Variants in NEK10 observed in about 807,000 individuals in gnomAD.
NEK10 encodes serine/threonine-protein kinase Nek10.
Under a neutral mutation model 159.8 loss-of-function variants are expected in NEK10, and 122 were observed. The observed-to-expected ratio is 0.76, with a 90% CI of 0.66 to 0.89. The LOEUF is 0.89. NEK10 is among the 40% of genes least tolerant of loss of function. NEK10 has a pLI of 0.00. For synonymous variants in NEK10, 466 were observed against 457.1 expected, an observed-to-expected ratio of 1.02 and a Z score of -0.25; for missense variants, 1,342 against 1,323.1, an observed-to-expected ratio of 1.01 and a Z score of -0.22.
chr3:27,284,386 G>A (rs961621104), intron 22 of NEK10, among the ~76,000 whole-genome samples: 6 of 151,700 alleles, frequency 4.0e-5, no homozygotes, highest in South Asian at 4.2e-4. Context: ...ACTCTGTCTC[G>A]AAGAAAAAAA....
At chr3:27,135,304 A>C (rs1273685677) in intron 31 of NEK10, among the ~76,000 whole-genome samples, 1 of 152,162 alleles carries the variant, frequency 6.6e-6, no homozygotes, top group Non-Finnish European at 1.5e-5. Context: ...ATTTCATTTG[A>C]GGCAAGTAGT....
chr3:27,268,712 A>C (rs1175340133), intron 22 of NEK10, among the ~76,000 whole-genome samples: 2 of 152,188 alleles, frequency 1.3e-5, no homozygotes, highest in African/African-American at 4.8e-5. Context: ...GATTAATGTT[A>C]TTTTCATGTC....
At chr3:27,260,585 G>C (rs1453241398) in intron 22 of NEK10, among the ~76,000 whole-genome samples, 1 of 152,166 alleles carries the variant, frequency 6.6e-6, no homozygotes, top group Non-Finnish European at 1.5e-5. Context: ...TGATCATGGT[G>C]GATAAGCTTT....
intron 5 of NEK10, among the ~76,000 whole-genome samples, chr3:27,330,631 A>C (rs1027552723): frequency 6.6e-6 from 1 of 152,218 alleles, no homozygotes; most frequent in Admixed American, 6.5e-5. Context: ...AATTTAATGC[A>C]AAGAAATTCC....
chr3:27,256,265 T>C (rs1158243070), intron 23 of NEK10, 31 bp downstream of exon 23: 1 of 1,036,372 alleles, frequency 9.6e-7, no homozygotes, highest in Non-Finnish European at 1.4e-6. Flanking sequence ...TTAAGTATGA[T>C]GTTTGAGAGC....
intron 25 of NEK10, among the ~76,000 whole-genome samples, chr3:27,195,833 G>T (rs1480271806): frequency 1.3e-5 from 2 of 151,982 alleles, no homozygotes; most frequent in Non-Finnish European, 1.5e-5. Flanking sequence ...ATCACAATTT[G>T]CTTTATAAAC....
chr3:27,256,137 T>A (rs563162383), intron 23 of NEK10, among the ~76,000 whole-genome samples, 159 bp downstream of exon 23: 1 of 152,310 alleles, frequency 6.6e-6, no homozygotes, highest in African/African-American at 2.4e-5. Flanking sequence ...TACATAATGA[T>A]CCACAATTCT....
At chr3:27,331,263 A>AC (rs2046398315) in intron 5 of NEK10, among the ~76,000 whole-genome samples, 1 of 112,530 alleles carries the variant, frequency 8.9e-6, no homozygotes, top group African/African-American at 2.8e-5. Flanking sequence ...AAAAAAAAAA[A>AC]CACACAAACC....
At chr3:27,279,915 A>ACT (rs2042029488) in intron 22 of NEK10, among the ~76,000 whole-genome samples, 1 of 152,074 alleles carries the variant, frequency 6.6e-6, no homozygotes, top group African/African-American at 2.4e-5. Context: ...CACGCCTGTA[A>ACT]TCCCAGCACT....
chr3:27,166,202 C>T (rs1341330528), intron 29 of NEK10, among the ~76,000 whole-genome samples: 2 of 152,144 alleles, frequency 1.3e-5, no homozygotes, highest in African/African-American at 4.8e-5. Flanking sequence ...CATTATGTAG[C>T]TTTGAGCTCT....
chr3:27,186,841 C>T lies in NEK10; in HGVS notation c.2505+5188G>A, dbSNP rs79267419. Among the ~76,000 whole-genome samples the T allele has an allele frequency of 1.4e-3, 215 of 152,214 alleles. 5 individuals carry two copies. The East Asian group carries it at 0.036, about 25-fold the overall frequency. On this transcript the variant is annotated intron_variant, in intron 26 of 35. Transcript: ENST00000691995. The stretch of plus-strand genomic sequence containing the variant: ...GGGGCTGAGATAGGGTCCCCTAGTG[C>T]CAGTGAGTTCCCCATGGGCTGTGTG...
At chr3:27,365,909 A>T (rs569855897) in intron 1 of NEK10, among the ~76,000 whole-genome samples, 7 of 152,046 alleles carry the variant, frequency 4.6e-5, no homozygotes, top group Middle Eastern at 3.4e-3. Context: ...CCTGTTTTTT[A>T]AATCATGATA....
In NEK10 at chr3:27,220,847, G is replaced by T. The variant is rs555798008; in HGVS notation, c.2091-18290C>A. ...ATATAGATTGATAAAATAAAACTGA[G>T]AAGCCCTTGAGAAATAAACCTTATA... On this transcript the variant is annotated intron_variant, in intron 23 of 35. Coordinates refer to ENST00000691995, the MANE Select transcript of NEK10 (RefSeq NM_001394966.1). Among the ~76,000 whole-genome samples, 27 of 152,206 alleles carry T rather than the reference G, an allele frequency of 1.8e-4. 1 individual carries two copies. The South Asian group carries it at 5.2e-3, about 29-fold the overall frequency.
At chr3:27,226,971 T>C (rs1419074679) in intron 23 of NEK10, among the ~76,000 whole-genome samples, 2 of 152,238 alleles carry the variant, frequency 1.3e-5, no homozygotes, top group Non-Finnish European at 1.5e-5. Flanking sequence ...CATTTCTTTT[T>C]ATTCTCATTG....
chr3:27,246,419 A>C (rs1177304940), intron 23 of NEK10, among the ~76,000 whole-genome samples: 1 of 152,010 alleles, frequency 6.6e-6, no homozygotes, highest in African/African-American at 2.4e-5. Flanking sequence ...TTTATTTTTA[A>C]CTTTACTTGT....
At chr3:27,359,875 T>C (rs2048562825) in intron 1 of NEK10, among the ~76,000 whole-genome samples, 2 of 152,346 alleles carry the variant, frequency 1.3e-5, no homozygotes, top group Middle Eastern at 3.4e-3. Context: ...AACAATTTTC[T>C]TTTTGCAAAG....
At chr3:27,252,191 A>C in intron 23 of NEK10, 1 of 502,852 alleles carries the variant, frequency 2.0e-6, no homozygotes, top group Non-Finnish European at 4.0e-6. Context: ...ACTATAAGCC[A>C]ATTCAAGTAC....
chr3:27,207,567 T>C (rs1223639791), intron 23 of NEK10, among the ~76,000 whole-genome samples: 1 of 152,104 alleles, frequency 6.6e-6, no homozygotes, highest in Non-Finnish European at 1.5e-5. Context: ...TAAATAAAAA[T>C]AGACTTACTA....
chr3:27,331,237 C>CAAAAAAAAAAAAAAAAAAAAAAAA (rs11351970), intron 5 of NEK10, among the ~76,000 whole-genome samples: 4 of 29,586 alleles, frequency 1.4e-4, no homozygotes, highest in African/African-American at 2.3e-4. Flanking sequence ...GACTCTGTCT[C>CAAAAAAAAAAAAAAAAAAAAAAAA]AAAAAAAAAA....
Sources: allele counts gnomAD v4.1 joint callset (sites outside exome capture counted in the v4.1 genomes callset), GRCh38; gene constraint gnomAD v4.1.1; transcripts MANE v1.5; gene names NCBI Gene and HGNC (gene_info 2026-07-23, HGNC 2026-07-21).